Variants in USP6 observed in about 807,000 individuals in gnomAD.
USP6 encodes ubiquitin specific peptidase 6, also known as ubiquitin carboxyl-terminal hydrolase 6.
A neutral mutation model predicts 175.7 loss-of-function variants in USP6; 128 were observed. The ratio of observed to expected loss-of-function variants is 0.73; its 90% confidence interval spans 0.63 to 0.84. The LOEUF (loss-of-function observed/expected upper bound fraction) is 0.84. Among genes scored for constraint, USP6 ranks in the 40% least tolerant of loss-of-function variants. The probability of loss-of-function intolerance (pLI) is 0.00; values close to 1 mark genes in which losing one functional copy is unlikely to be tolerated. For synonymous variants in USP6, 562 were observed against 630.6 expected, an observed-to-expected ratio of 0.89 and a Z score of 1.63; for missense variants, 1,498 against 1,760.3, an observed-to-expected ratio of 0.85 and a Z score of 2.67.
chr17:5,123,558 T>C (rs959274015), intron 4 of USP6, among the ~76,000 whole-genome samples: 2 of 152,018 alleles, frequency 1.3e-5, no homozygotes, highest in Non-Finnish European at 2.9e-5. Flanking sequence ...GGGGCCACAC[T>C]CACTCGCACT....
chr17:5,136,330 C>T (rs1229325742), intron 17 of USP6, among the ~76,000 whole-genome samples: 2 of 152,226 alleles, frequency 1.3e-5, no homozygotes, highest in African/African-American at 2.4e-5. Flanking sequence ...TCCCCTGGCC[C>T]GACCCCACTT....
chr17:5,129,770 G>T (rs986145502), intron 8 of USP6, 166 bp from the exon 9 acceptor site: 55 of 159,120 alleles, frequency 3.5e-4, no homozygotes, highest in African/African-American at 1.3e-3. Context: ...TGAGCACAGT[G>T]GCTGCTTTGG....
chr17:5,135,003 AT>A lies in USP6; in HGVS notation c.495-230del, dbSNP rs1365057631. ...GGTGTGTGTGCAAAAGAAAAAAAAA[AT>A]CATTCAGCGTGAAAAGGATCGGTCA... On this transcript the variant is annotated intron_variant, in intron 15 of 37. Transcript: ENST00000574788. 3 of 477,148 alleles carry A rather than the reference AT, an allele frequency of 6.3e-6. No individual in the cohort carries two copies. The Admixed American group carries it at 9.4e-5, about 15-fold the overall frequency. 29.6% of individuals were successfully genotyped at this position (477,148 alleles called of 1,614,324 possible). A position where few individuals can be genotyped will look rare whatever the true frequency, so the allele number is the denominator to read the frequency against.
At chr17:5,119,110 A>G (rs992017029) in intron 2 of USP6, among the ~76,000 whole-genome samples, 1 of 152,156 alleles carries the variant, frequency 6.6e-6, no homozygotes, top group Non-Finnish European at 1.5e-5. Context: ...TCAAGTATTT[A>G]TATGAAGAAA....
rs11650909 is a variant in USP6, at chr17:5,142,677, C to T, written c.1818+175C>T. 2.4e-3 allele frequency among the ~76,000 whole-genome samples: 361 copies of T among 152,270 alleles called. 2 individuals carry two copies. Among genetic ancestry groups the T allele is most frequent in the Non-Finnish European group, 3.7e-3 (251 of 68,026 alleles). ...TTGTTTAAATATTTGCAAAATACTA[C>T]TGTATATGCAGTGGGTAGGATAAAG... is the stretch of plus-strand genomic sequence containing the variant. On this transcript the variant is annotated intron_variant, in intron 25 of 37. Coordinates refer to ENST00000574788, the MANE Select transcript of USP6 (RefSeq NM_001304284.2).
rs2144209357 is a variant in USP6, at chr17:5,173,478, A to G, written c.*500A>G. The G allele has an allele frequency of 4.5e-6, 1 of 220,714 alleles. No homozygotes were observed. The highest frequency in any genetic ancestry group is 1.8e-4 in the South Asian group (1 of 5,430). 13.7% of individuals were successfully genotyped at this position (220,714 alleles called of 1,614,324 possible). On this transcript the variant is annotated 3_prime_UTR_variant, in exon 38 of 38. Transcript: ENST00000574788. ...AAGGTGTGCAAATGATTCTTACGGC[A>G]TGGACAAGGATTTTTCAATTTATTT...
rs576618839 is a variant in USP6, at chr17:5,148,541, T to A, written c.2432-15T>A. On this transcript the variant is annotated splice_polypyrimidine_tract_variant and intron_variant, in intron 29 of 37. Coordinates refer to ENST00000574788, the MANE Select transcript of USP6 (RefSeq NM_001304284.2). Reference sequence around the variant, plus strand: ...CCACAAGCTTATGATGCTGTACTTATCTTTGAATTTGTAGATTTCTCCTCT... The same window carrying A: ...CCACAAGCTTATGATGCTGTACTTAACTTTGAATTTGTAGATTTCTCCTCT... 6.2e-7 allele frequency: 1 copy of A among 1,613,526 alleles called. No individual in the cohort carries two copies. The highest frequency in any genetic ancestry group is 8.5e-7 in the Non-Finnish European group (1 of 1,179,584).
chr17:5,138,360 C>G, intron 21 of USP6, 87 bp downstream of exon 21: 1 of 1,591,708 alleles, frequency 6.3e-7, no homozygotes, highest in Non-Finnish European at 8.5e-7. Flanking sequence ...ACCCTACTAC[C>G]TGGGCCTTCC....
At chr17:5,150,295 A>AAAAAAAAT (rs1555602129) in intron 30 of USP6, among the ~76,000 whole-genome samples, 102 of 138,878 alleles carry the variant, frequency 7.3e-4, no homozygotes, top group East Asian at 2.0e-3. Context: ...TCCGTCTAAA[A>AAAAAAAAT]AAATAAATAA....
chr17:5,142,200 A>G, intron 24 of USP6, 59 bp downstream of exon 24: 1 of 1,570,792 alleles, frequency 6.4e-7, no homozygotes, highest in Non-Finnish European at 8.6e-7. Flanking sequence ...ACCCACTATC[A>G]CCTAAATTTC....
Position 5,139,672 on chromosome 17 carries a change from A to G in USP6, c.1496A>G (p.Glu499Gly), listed in dbSNP as rs182478181. Residue 499 changes from glutamate to glycine, a missense_variant and splice_region_variant, in exon 22 of 38, where the codon GAG (glutamate) becomes GGG (glycine). Physicochemically the swap from Glu to Gly is moderately conservative, Grantham distance 98. This residue lies in a region of USP6 where 1,217 missense variants were observed against 1,500.8 expected (regional missense o/e 0.81). Transcript: ENST00000574788. ...ATCWQAEHCGEVHNKDMSWPE... is the reference protein window; with the variant it reads ...ATCWQAEHCGGVHNKDMSWPE... Reference sequence around the variant, plus strand: ...TGCTGGCAGGCTGAACACTGCGGAGAGGGTGAGGTTGGCTTTCACTGCACT... The same window carrying G: ...TGCTGGCAGGCTGAACACTGCGGAGGGGGTGAGGTTGGCTTTCACTGCACT... The G allele has an allele frequency of 6.2e-7, 1 of 1,607,766 alleles. No homozygotes were observed. Among genetic ancestry groups the G allele is most frequent in the Non-Finnish European group, 8.5e-7 (1 of 1,180,002 alleles).
intron 33 of USP6, among the ~76,000 whole-genome samples, chr17:5,166,079 CCT>C (rs1202749486): frequency 1.3e-5 from 2 of 152,150 alleles, no homozygotes; most frequent in Non-Finnish European, 2.9e-5. Flanking sequence ...ATGATACACC[CCT>C]TTTTCTACTC....
At position 5,117,101 on chromosome 17, in the gene USP6, T is replaced by C. The variant is rs537901858; in HGVS notation, c.-1928+361T>C. Among the ~76,000 whole-genome samples the C allele has an allele frequency of 1.3e-3, 196 of 152,380 alleles. 1 individual carries two copies. Among genetic ancestry groups the C allele is most frequent in the African/African-American group, 4.4e-3 (184 of 41,584 alleles). ...ATATGCCTCTCCTTTTTGGCACTTATGGTTGCAACTTTATTAATGATTCTA... is the reference window on the plus strand; with the variant it reads ...ATATGCCTCTCCTTTTTGGCACTTACGGTTGCAACTTTATTAATGATTCTA... On this transcript the variant is annotated intron_variant, in intron 1 of 37. Coordinates refer to ENST00000574788, the MANE Select transcript of USP6 (RefSeq NM_001304284.2).
At chr17:5,153,242 A>G (rs1567803198) in intron 30 of USP6, among the ~76,000 whole-genome samples, 1 of 152,236 alleles carries the variant, frequency 6.6e-6, no homozygotes, top group Non-Finnish European at 1.5e-5. Context: ...TCTTAAACTC[A>G]GTGATAACAG....
intron 4 of USP6, among the ~76,000 whole-genome samples, chr17:5,122,559 G>A (rs761582984): frequency 1.4e-4 from 21 of 152,216 alleles, no homozygotes; most frequent in Non-Finnish European, 2.2e-4. Context: ...AGGCCGAACC[G>A]GCCCCAGCCC....
chr17:5,155,661 T>G (rs2073867982), intron 31 of USP6, 55 bp downstream of exon 31: 1 of 1,549,606 alleles, frequency 6.5e-7, no homozygotes, highest in East Asian at 2.3e-5. Context: ...GAAAAATAAT[T>G]TATATGAATT....
intron 20 of USP6, 50 bp from the exon 21 acceptor site, chr17:5,138,071 G>C (rs750947531): frequency 1.4e-5 from 23 of 1,613,306 alleles, no homozygotes; most frequent in Non-Finnish European, 1.8e-5. Flanking sequence ...GGTATGAGCT[G>C]TGACCATTCC....
rs376287188 is a variant in USP6, at chr17:5,146,120, T to C, written c.2265T>C (p.Cys755=). 6.2e-7 allele frequency: 1 copy of C among 1,613,160 alleles called. No homozygotes were observed. Among genetic ancestry groups the C allele is most frequent in the Non-Finnish European group, 8.5e-7 (1 of 1,179,470 alleles). Residue 755 remains cysteine, a synonymous_variant, in exon 28 of 38, where the codon TGT becomes TGC. Transcript: ENST00000574788. ...TGLKKQLRDL[C]GLNSEQILLA... ...TAAAAAAACAGCTGAGGGATCTCTG[T>C]GGACTTAATTCAGAACAAATCCTAC... is the stretch of plus-strand genomic sequence containing the variant.
intron 1 of USP6, among the ~76,000 whole-genome samples, chr17:5,117,430 C>A (rs1026360949): frequency 2.0e-5 from 3 of 151,188 alleles, no homozygotes; most frequent in African/African-American, 7.3e-5. Flanking sequence ...GCAGGAGAAT[C>A]ACTTGAACCC....
Sources: allele counts gnomAD v4.1 joint callset (sites outside exome capture counted in the v4.1 genomes callset), GRCh38; gene constraint gnomAD v4.1.1; regional missense constraint gnomAD v4.1.1; transcripts MANE v1.5; gene names NCBI Gene and HGNC (gene_info 2026-07-23, HGNC 2026-07-21).